Variants in GTF2IRD2B observed in about 807,000 individuals in gnomAD.
The protein encoded by GTF2IRD2B is general transcription factor II-I repeat domain-containing protein 2B.
GTF2IRD2B carries 10 observed loss-of-function variants against 55.6 expected under a neutral mutation model. The ratio of observed to expected loss-of-function variants is 0.18; its 90% CI spans 0.11 to 0.31. The LOEUF is 0.31. GTF2IRD2B is among the 10% of genes least tolerant of loss of function. The pLI is 1.00. For synonymous variants in GTF2IRD2B, 107 were observed against 320.5 expected, an observed-to-expected ratio of 0.33 and a Z score of 7.12; for missense variants, 206 against 802.7, an observed-to-expected ratio of 0.26 and a Z score of 8.98.
At chr7:75,123,858 A>G (rs2115785083) in intron 6 of GTF2IRD2B, 1 of 356,846 alleles carries the variant, frequency 2.8e-6, no homozygotes, top group African/African-American at 2.1e-5. Flanking sequence ...AGCCTGGGCG[A>G]CTGAGCAAGA....
chr7:75,118,125 AAGG>A (rs1250170484), intron 3 of GTF2IRD2B, among the ~76,000 whole-genome samples: 1 of 151,950 alleles, frequency 6.6e-6, no homozygotes, highest in African/African-American at 2.4e-5. Context: ...AAAATTGCAG[AAGG>A]AGGTTTCGCA....
chr7:75,114,480 AC>A (rs1478678895), intron 3 of GTF2IRD2B, among the ~76,000 whole-genome samples: 1 of 150,116 alleles, frequency 6.7e-6, no homozygotes, highest in Admixed American at 6.7e-5. Flanking sequence ...CGGGGGGCAC[AC>A]GTGTAGATTT....
chr7:75,109,273 A>G (rs1807889271), intron 2 of GTF2IRD2B, among the ~76,000 whole-genome samples: 1 of 144,998 alleles, frequency 6.9e-6, no homozygotes, highest in East Asian at 2.1e-4. Context: ...TCCTGCGTTC[A>G]AGCAATTCTC....
intron 1 of GTF2IRD2B, among the ~76,000 whole-genome samples, chr7:75,101,982 A>G (rs1158652114): frequency 2.0e-5 from 3 of 150,906 alleles, no homozygotes; most frequent in East Asian, 1.9e-4. Flanking sequence ...TTGTACAACT[A>G]TCATCACAGT....
intron 3 of GTF2IRD2B, among the ~76,000 whole-genome samples, chr7:75,115,096 CTTTTTTTTTTTT>C (rs60983909): frequency 4.6e-5 from 2 of 43,412 alleles, no homozygotes; most frequent in African/African-American, 2.0e-4. Context: ...TCGTGCCCAG[CTTTTTTTTTTTT>C]TTTTTTTTTT....
chr7:75,149,432 G>A lies in GTF2IRD2B; in HGVS notation c.*135G>A. ...GTCTTGCTCTGTCGCCCAGGTTGGA[G>A]TGCAGTGGCGTGATCTCGGCTTACT... On this transcript the variant is annotated 3_prime_UTR_variant, in exon 16 of 16. Coordinates refer to ENST00000472837, the MANE Select transcript of GTF2IRD2B (RefSeq NM_001003795.3). 2 of 643,542 alleles carry A rather than the reference G, an allele frequency of 3.1e-6. No individual in the cohort carries two copies. Among genetic ancestry groups the A allele is most frequent in the Non-Finnish European group, 5.6e-6 (2 of 356,564 alleles). The allele number at this position is 643,542 out of a possible 1,614,324, so 39.9% of individuals were successfully genotyped here.
chr7:75,138,570 G>A (rs1205745199), intron 11 of GTF2IRD2B, among the ~76,000 whole-genome samples: 10 of 126,820 alleles, frequency 7.9e-5, no homozygotes, highest in Admixed American at 7.8e-4. Flanking sequence ...AGGAGGCTGA[G>A]GCACGAGAAT....
intron 1 of GTF2IRD2B, among the ~76,000 whole-genome samples, chr7:75,101,978 AACT>A (rs1807582951): frequency 6.6e-6 from 1 of 151,324 alleles, no homozygotes; most frequent in Non-Finnish European, 1.5e-5. Context: ...AGAGTTGTAC[AACT>A]ATCATCACAG....
intron 1 of GTF2IRD2B, among the ~76,000 whole-genome samples, chr7:75,096,695 G>T (rs1230991415): frequency 4.7e-5 from 7 of 148,892 alleles, no homozygotes; most frequent in Non-Finnish European, 8.9e-5. Flanking sequence ...CAGAGTGCTG[G>T]GATTACAGGT....
intron 4 of GTF2IRD2B, among the ~76,000 whole-genome samples, chr7:75,121,324 C>CG (rs1425238853): frequency 2.7e-5 from 4 of 150,574 alleles, no homozygotes; most frequent in African/African-American, 9.7e-5. Flanking sequence ...CGTGAACCAC[C>CG]GCGCCCAGCC....
Position 75,139,582 on chromosome 7 carries a change from G to A in GTF2IRD2B, c.949+555G>A, listed in dbSNP as rs1363092106. On this transcript the variant is annotated intron_variant, in intron 12 of 15. Coordinates refer to ENST00000472837, the MANE Select transcript of GTF2IRD2B (RefSeq NM_001003795.3). ...CTGGGAGGTGGAGCTTGCAGTGAGC[G>A]GAGATCACACCACTGCACTCCAGCC... is the stretch of plus-strand genomic sequence containing the variant. 9.1e-5 allele frequency among the ~76,000 whole-genome samples: 11 copies of A among 120,860 alleles called. 1 individual carries two copies. Among genetic ancestry groups the A allele is most frequent in the South Asian group, 2.4e-4 (1 of 4,108 alleles). 79.3% of individuals were successfully genotyped at this position (120,860 alleles called of 152,430 possible).
At chr7:75,093,524 G>C (rs1483039919) in intron 1 of GTF2IRD2B, among the ~76,000 whole-genome samples, 3 of 152,256 alleles carry the variant, frequency 2.0e-5, no homozygotes, top group Non-Finnish European at 4.4e-5. Flanking sequence ...CACCCGAGGA[G>C]AAGAAACCCC....
chr7:75,147,207 C>T (rs1261311379), intron 15 of GTF2IRD2B, among the ~76,000 whole-genome samples: 4 of 151,456 alleles, frequency 2.6e-5, no homozygotes, highest in South Asian at 2.1e-4. Context: ...CTGAGGTGGG[C>T]GGATCACCTG....
intron 4 of GTF2IRD2B, among the ~76,000 whole-genome samples, chr7:75,121,364 G>A (rs1808359184): frequency 6.7e-6 from 1 of 150,202 alleles, no homozygotes; most frequent in South Asian, 2.1e-4. Context: ...GGTTCACCCA[G>A]GAGTAGGACA....
At chr7:75,122,969 G>T (rs1201987140) in intron 4 of GTF2IRD2B, among the ~76,000 whole-genome samples, 167 bp from the exon 5 acceptor site, 2 of 150,390 alleles carry the variant, frequency 1.3e-5, no homozygotes, top group Non-Finnish European at 3.0e-5. Context: ...AGAATTGTTT[G>T]AACCCAGGAG....
At chr7:75,146,998 G>C (rs1368976105) in intron 15 of GTF2IRD2B, 1 of 158,312 alleles carries the variant, frequency 6.3e-6, no homozygotes, top group Non-Finnish European at 1.4e-5. Flanking sequence ...GCTCGGTGTG[G>C]TGCATGCCTG....
At chr7:75,118,377 C>T (rs1306669042) in intron 3 of GTF2IRD2B, among the ~76,000 whole-genome samples, 1 of 151,244 alleles carries the variant, frequency 6.6e-6, no homozygotes, top group African/African-American at 2.4e-5. Flanking sequence ...TGCTTGCCAG[C>T]CACCACATGG....
intron 3 of GTF2IRD2B, among the ~76,000 whole-genome samples, chr7:75,115,585 A>G (rs1342836059): frequency 1.2e-5 from 1 of 80,874 alleles, no homozygotes; most frequent in Non-Finnish European, 2.4e-5. Context: ...CACCATGCCC[A>G]GCTAATTTTT....
intron 1 of GTF2IRD2B, among the ~76,000 whole-genome samples, chr7:75,093,548 C>T (rs1352433084): frequency 1.3e-5 from 2 of 152,268 alleles, no homozygotes; most frequent in Non-Finnish European, 2.9e-5. Flanking sequence ...CCCATTAGGC[C>T]GTCATTCCCC....
Sources: allele counts gnomAD v4.1 joint callset (sites outside exome capture counted in the v4.1 genomes callset), GRCh38; gene constraint gnomAD v4.1.1; transcripts MANE v1.5; gene names NCBI Gene and HGNC (gene_info 2026-07-23, HGNC 2026-07-21).